GALNT13: variants seen among roughly 807,000 people sequenced by gnomAD.
GALNT13 encodes polypeptide N-acetylgalactosaminyltransferase 13, also known as UDP-GalNAc:polypeptide N-acetylgalactosaminyltransferase 13.
Under a neutral mutation model 64.2 loss-of-function variants are expected in GALNT13, and 28 were observed. The ratio of observed to expected loss-of-function variants is 0.44; its 90% confidence interval spans 0.32 to 0.60. GALNT13 has a LOEUF of 0.60. GALNT13 is among the 20% of genes least tolerant of loss of function. The pLI, the probability that GALNT13 is intolerant of heterozygous loss-of-function variation, is 0.05. For missense variants in GALNT13, 577 were observed against 669.8 expected (o/e 0.86, Z 1.53); for synonymous variants, 214 against 224.6 (o/e 0.95, Z 0.42).
At chr2:154,321,149 G>C (rs919644754) in intron 9 of GALNT13, among the ~76,000 whole-genome samples, 1 of 152,122 alleles carries the variant, frequency 6.6e-6, no homozygotes, top group African/African-American at 2.4e-5. Flanking sequence ...AGGGAAAGTA[G>C]AACAGGGAGG....
At chr2:154,219,218 G>A (rs2105818148) in intron 4 of GALNT13, among the ~76,000 whole-genome samples, 1 of 152,146 alleles carries the variant, frequency 6.6e-6, no homozygotes, top group Middle Eastern at 3.4e-3. Context: ...TGCAGGCACT[G>A]TGACAAGTGC....
chr2:153,507,493 A>G, the GALNT13 span, among the ~76,000 whole-genome samples: 2 of 152,062 alleles, frequency 1.3e-5, no homozygotes, highest in East Asian at 3.9e-4. Context: ...ATTGGCCAGG[A>G]TGGTCTCTAT....
At chr2:153,213,503 A>G in the GALNT13 span, among the ~76,000 whole-genome samples, 1 of 152,212 alleles carries the variant, frequency 6.6e-6, no homozygotes, top group African/African-American at 2.4e-5. Context: ...GATGTACAGA[A>G]ATACCATGAA....
At chr2:153,072,324 A>G in the GALNT13 span, among the ~76,000 whole-genome samples, 313 of 152,290 alleles carry the variant, frequency 2.1e-3, no homozygotes, top group African/African-American at 6.3e-3. Flanking sequence ...GCCTCTGCAG[A>G]CAGCCTCTCC....
At chr2:153,339,716 G>T in the GALNT13 span, among the ~76,000 whole-genome samples, 1 of 152,066 alleles carries the variant, frequency 6.6e-6, no homozygotes, top group Non-Finnish European at 1.5e-5. Flanking sequence ...CTTTTTGCCT[G>T]TGTGGTTTTA....
chr2:154,027,813 G>T (rs1320373931), intron 3 of GALNT13, among the ~76,000 whole-genome samples: 1 of 151,982 alleles, frequency 6.6e-6, no homozygotes, highest in African/African-American at 2.4e-5. Context: ...TAATGACAAA[G>T]ACATTTCCTA....
At chr2:153,319,254 AT>A in the GALNT13 span, among the ~76,000 whole-genome samples, 1 of 152,240 alleles carries the variant, frequency 6.6e-6, no homozygotes, top group East Asian at 1.9e-4. Context: ...TGACTGTGTC[AT>A]TTTCGCTATT....
At chr2:154,312,022 G>A (rs541603480) in intron 9 of GALNT13, among the ~76,000 whole-genome samples, 28 of 152,188 alleles carry the variant, frequency 1.8e-4, no homozygotes, top group South Asian at 8.3e-4. Flanking sequence ...AATTTGTGTA[G>A]TTAACGCAAT....
At chr2:153,258,063 A>C in the GALNT13 span, among the ~76,000 whole-genome samples, 1 of 152,174 alleles carries the variant, frequency 6.6e-6, no homozygotes, top group African/African-American at 2.4e-5. Flanking sequence ...TAGGTATTTG[A>C]GGGTACAAAC....
At chr2:154,122,957 G>T (rs1221287979) in intron 3 of GALNT13, among the ~76,000 whole-genome samples, 4 of 151,842 alleles carry the variant, frequency 2.6e-5, no homozygotes, top group Non-Finnish European at 5.9e-5. Flanking sequence ...AAATGAAAAG[G>T]TACCTCACCT....
chr2:154,025,468 T>C (rs1697887193), intron 3 of GALNT13, among the ~76,000 whole-genome samples: 1 of 152,212 alleles, frequency 6.6e-6, no homozygotes, highest in Admixed American at 6.5e-5. Flanking sequence ...ACATTCATTC[T>C]TTATGGACGC....
At chr2:154,339,529 C>T (rs923442779) in intron 9 of GALNT13, among the ~76,000 whole-genome samples, 4 of 152,034 alleles carry the variant, frequency 2.6e-5, no homozygotes, top group Admixed American at 6.6e-5. Flanking sequence ...AAGGAAATTG[C>T]TGGAATTTTA....
chr2:154,351,349 G>A (rs1419475949), intron 9 of GALNT13, among the ~76,000 whole-genome samples: 3 of 151,974 alleles, frequency 2.0e-5, no homozygotes, highest in Admixed American at 6.6e-5. Context: ...GATGTTTGCC[G>A]TTGTGAGCTT....
chr2:154,145,062 C>CTA (rs1225783379), intron 4 of GALNT13, among the ~76,000 whole-genome samples: 43 of 101,942 alleles, frequency 4.2e-4, no homozygotes, highest in Admixed American at 3.2e-3. Flanking sequence ...CTCTCTCTCT[C>CTA]TCTCTCTCTC....
the GALNT13 span, among the ~76,000 whole-genome samples, chr2:153,540,891 A>G: frequency 6.6e-6 from 1 of 152,216 alleles, no homozygotes; most frequent in Non-Finnish European, 1.5e-5. Context: ...ACAGGCTTAT[A>G]GGCAGAAGGG....
chr2:153,277,733 A>G, the GALNT13 span, among the ~76,000 whole-genome samples: 1 of 151,724 alleles, frequency 6.6e-6, no homozygotes, highest in Non-Finnish European at 1.5e-5. Flanking sequence ...TCAGTTTTTA[A>G]TAATGGCCAT....
the GALNT13 span, among the ~76,000 whole-genome samples, chr2:153,350,386 T>TTC: frequency 3.5e-5 from 4 of 114,748 alleles, no homozygotes; most frequent in African/African-American, 8.9e-5. Flanking sequence ...CTTTCTTTCT[T>TTC]TTTTTTTTTT....
the GALNT13 span, among the ~76,000 whole-genome samples, chr2:153,112,100 T>C: frequency 4.6e-5 from 7 of 152,132 alleles, no homozygotes; most frequent in Non-Finnish European, 1.0e-4. Flanking sequence ...CATTCCTATG[T>C]TTCCTTCCAT....
the GALNT13 span, among the ~76,000 whole-genome samples, chr2:153,507,740 A>C: frequency 5.3e-5 from 8 of 151,964 alleles, no homozygotes; most frequent in Non-Finnish European, 1.0e-4. Context: ...GTGCTAAAGA[A>C]CCTTGTTTTG....
Sources: allele counts gnomAD v4.1 joint callset (sites outside exome capture counted in the v4.1 genomes callset), GRCh38; gene constraint gnomAD v4.1.1; transcripts MANE v1.5; gene names NCBI Gene and HGNC (gene_info 2026-07-23, HGNC 2026-07-21).